MTHFD2L: variants seen among roughly 807,000 people sequenced by gnomAD.
MTHFD2L encodes bifunctional methylenetetrahydrofolate dehydrogenase/cyclohydrolase 2, mitochondrial.
A neutral mutation model predicts 34.9 loss-of-function variants in MTHFD2L; 29 were observed. The ratio of observed to expected loss-of-function variants is 0.83; its 90% CI spans 0.62 to 1.13. The LOEUF is 1.13. Ranked by LOEUF, MTHFD2L falls within the 50% of genes most tolerant of loss-of-function variation. The pLI is 0.00. For missense variants in MTHFD2L, 481 were observed against 446.5 expected (o/e 1.08, Z -0.70); for synonymous variants, 167 against 155.7 (o/e 1.07, Z -0.54).
intron 5 of MTHFD2L, among the ~76,000 whole-genome samples, chr4:74,209,259 G>C (rs1735880224): frequency 6.6e-6 from 1 of 152,048 alleles, no homozygotes; most frequent in Non-Finnish European, 1.5e-5. Flanking sequence ...TTGTTACATA[G>C]GTATACATGG....
At chr4:74,116,387 T>C (rs1048425029) in intron 2 of MTHFD2L, among the ~76,000 whole-genome samples, 1 of 152,136 alleles carries the variant, frequency 6.6e-6, no homozygotes, top group Non-Finnish European at 1.5e-5. Context: ...CATGACTAGC[T>C]ACTCCAACAT....
At chr4:74,282,245 C>G (rs1272468916) in intron 7 of MTHFD2L, among the ~76,000 whole-genome samples, 1 of 152,050 alleles carries the variant, frequency 6.6e-6, no homozygotes, top group African/African-American at 2.4e-5. Context: ...TACCTGCATT[C>G]AGATTTTCAG....
At chr4:74,143,368 T>C (rs922985863) in intron 1 of MTHFD2L, 2 of 977,006 alleles carry the variant, frequency 2.0e-6, no homozygotes, top group African/African-American at 1.8e-5. Context: ...AGAAAAATAT[T>C]TGTGACCTTA....
At chr4:74,175,726 C>A (rs1728906766) in intron 3 of MTHFD2L, among the ~76,000 whole-genome samples, 1 of 151,948 alleles carries the variant, frequency 6.6e-6, no homozygotes, top group Admixed American at 6.6e-5. Flanking sequence ...TTTTCTGTGG[C>A]CTTTAAAACT....
In MTHFD2L at chr4:74,302,757, A is replaced by G. The variant is rs1307073545; in HGVS notation, c.*948A>G. On this transcript the variant is annotated 3_prime_UTR_variant, in exon 8 of 8. Transcript: ENST00000325278. ...GAAAACATGATACTTTCAATGTGCC[A>G]AAACTAAACCTTAGTATACAACTAA... is the stretch of plus-strand genomic sequence containing the variant. 5.3e-5 allele frequency: 8 copies of G among 152,296 alleles called. 1 individual carries two copies. In the South Asian group the frequency reaches 1.4e-3, roughly 28 times the overall value. The allele number at this position is 152,296 out of a possible 1,614,324, so 9.4% of individuals were successfully genotyped here.
chr4:74,181,415 T>C (rs1730145933), intron 3 of MTHFD2L, among the ~76,000 whole-genome samples: 1 of 152,160 alleles, frequency 6.6e-6, no homozygotes, highest in Non-Finnish European at 1.5e-5. Context: ...GTAGATGCTA[T>C]TTCTATCTGA....
intron 3 of MTHFD2L, among the ~76,000 whole-genome samples, chr4:74,190,275 T>C (rs510884): frequency 0.16 from 24,854 of 152,132 alleles, 4,487 homozygotes; most frequent in African/African-American, 0.45. Flanking sequence ...TTAACATTGC[T>C]TACAAGAACA....
chr4:74,254,933 G>A (rs1265020710), intron 6 of MTHFD2L, among the ~76,000 whole-genome samples: 2 of 151,836 alleles, frequency 1.3e-5, no homozygotes, highest in Admixed American at 6.6e-5. Flanking sequence ...GCAGGAGTTC[G>A]AGACCAGCCT....
chr4:74,283,454 A>T (rs1747751868), intron 7 of MTHFD2L, among the ~76,000 whole-genome samples: 1 of 152,246 alleles, frequency 6.6e-6, no homozygotes, highest in Admixed American at 6.6e-5. Context: ...ATATATAAAA[A>T]TTTTAAAAGG....
chr4:74,273,832 C>CTG (rs1206770661), intron 6 of MTHFD2L, among the ~76,000 whole-genome samples: 2 of 152,120 alleles, frequency 1.3e-5, no homozygotes, highest in Admixed American at 1.3e-4. Context: ...GCTGGGCCTT[C>CTG]TCCAGGTGCA....
chr4:74,123,758 T>C (rs934777553), upstream of MTHFD2L, among the ~76,000 whole-genome samples: 3 of 152,084 alleles, frequency 2.0e-5, no homozygotes, highest in African/African-American at 7.2e-5. Flanking sequence ...AATAACACTT[T>C]CTTAGATTCT....
chr4:74,220,168 AG>A (rs1223489156), intron 5 of MTHFD2L, among the ~76,000 whole-genome samples: 1 of 151,928 alleles, frequency 6.6e-6, no homozygotes, highest in East Asian at 1.9e-4. Context: ...TAAGGTATTA[AG>A]GAACATTTTC....
intron 6 of MTHFD2L, among the ~76,000 whole-genome samples, chr4:74,262,129 C>T (rs1356330604): frequency 6.6e-6 from 1 of 151,876 alleles, no homozygotes; most frequent in Non-Finnish European, 1.5e-5. Context: ...TGTCATTAAA[C>T]ACTGGGGAAA....
At chr4:74,168,292 C>G (rs1188772395) in intron 1 of MTHFD2L, among the ~76,000 whole-genome samples, 4 of 152,180 alleles carry the variant, frequency 2.6e-5, no homozygotes, top group African/African-American at 9.7e-5. Context: ...CCATTGGCCT[C>G]TTGCTATTCC....
intron 1 of MTHFD2L, among the ~76,000 whole-genome samples, chr4:74,131,604 A>G (rs1351505932): frequency 6.6e-6 from 1 of 152,220 alleles, no homozygotes; most frequent in Non-Finnish European, 1.5e-5. Context: ...AAATACTTAA[A>G]CATAAGGCCT....
chr4:74,199,886 G>GA lies in MTHFD2L; in HGVS notation c.545dup (p.Asp182GlufsTer49). 6.2e-7 allele frequency: 1 copy of GA among 1,613,982 alleles called. No homozygotes were observed. Among genetic ancestry groups the GA allele is most frequent in the South Asian group, 1.1e-5 (1 of 91,070 alleles). ...TATCAATATTGGAAGATTGTGCCTT[G>GA]ATCAGCATTCTCTCATACCTGCCAC... On this transcript the variant is annotated frameshift_variant, in exon 4 of 8. Coordinates refer to ENST00000325278, the MANE Select transcript of MTHFD2L (RefSeq NM_001144978.3). LOFTEE classifies it high-confidence loss of function.
intron 6 of MTHFD2L, among the ~76,000 whole-genome samples, chr4:74,273,306 G>A (rs868262735): frequency 3.3e-5 from 5 of 152,066 alleles, no homozygotes; most frequent in African/African-American, 1.2e-4. Flanking sequence ...GAAGAAAGGG[G>A]GAACAAGTCA....
intron 6 of MTHFD2L, among the ~76,000 whole-genome samples, chr4:74,256,148 G>A (rs1259853001): frequency 1.3e-5 from 2 of 152,014 alleles, no homozygotes; most frequent in African/African-American, 2.4e-5. Flanking sequence ...TTTTCCCCCA[G>A]CCTCACCAGC....
chr4:74,288,537 T>A (rs1560564307), intron 7 of MTHFD2L: 1 of 152,192 alleles, frequency 6.6e-6, no homozygotes, highest in Non-Finnish European at 1.5e-5. Flanking sequence ...AAGAAAGATA[T>A]TTATTTATCT....
Sources: gnomAD v4.1 joint callset for allele counts (sites outside exome capture counted in the v4.1 genomes callset) on GRCh38, gnomAD v4.1.1 for gene constraint, MANE v1.5 for transcripts, NCBI Gene and HGNC (gene_info 2026-07-23, HGNC 2026-07-21) for gene names.